The following STPG2 variants were observed in gnomAD, a reference collection of about 807,000 sequenced individuals.
The protein encoded by STPG2 is sperm tail PG-rich repeat containing 2.
A neutral mutation model predicts 54.2 loss-of-function variants in STPG2; 56 were observed. That is an observed-to-expected ratio of 1.03 (90% CI 0.83 to 1.29). The LOEUF (loss-of-function observed/expected upper bound fraction) is 1.29. Among genes scored for constraint, STPG2 ranks in the 50% most tolerant of loss-of-function variants. The probability of loss-of-function intolerance (pLI) is 0.00; values close to 1 mark genes in which losing one functional copy is unlikely to be tolerated. For synonymous variants in STPG2, 200 were observed against 181.8 expected (o/e 1.10, Z -0.81); for missense variants, 596 against 544.9 (o/e 1.09, Z -0.93).
At chr4:97,584,612 C>T (rs553112531) in intron 10 of STPG2, among the ~76,000 whole-genome samples, 2 of 151,672 alleles carry the variant, frequency 1.3e-5, no homozygotes, top group South Asian at 2.1e-4. Context: ...AAAAGATAAA[C>T]AAAAATGATA....
rs567956420 is a variant in STPG2 at position 97,683,096 on chromosome 4, G to A, written c.1320+29603C>T. 2.6e-3 allele frequency among the ~76,000 whole-genome samples: 396 copies of A among 151,854 alleles called. 1 individual carries two copies. Among genetic ancestry groups the A allele is most frequent in the African/African-American group, 9.1e-3 (378 of 41,496 alleles). ...GGCAAAAAGAAAAAGAGATTCCTGG[G>A]TCAGATACGAATTAACTTTGTTACT... On this transcript the variant is annotated intron_variant, in intron 10 of 10. Coordinates refer to ENST00000295268, the MANE Select transcript of STPG2 (RefSeq NM_174952.3).
At chr4:97,854,728 A>G (rs1349380433) in intron 8 of STPG2, among the ~76,000 whole-genome samples, 2 of 152,094 alleles carry the variant, frequency 1.3e-5, no homozygotes, top group African/African-American at 2.4e-5. Context: ...TACCAATTTT[A>G]TTAGATTTTT....
chr4:97,442,702 C>A (rs978699570), intron 4 of STPG2, among the ~76,000 whole-genome samples: 9 of 152,044 alleles, frequency 5.9e-5, no homozygotes, highest in Admixed American at 1.3e-4. Flanking sequence ...TAAAGCATTT[C>A]TAAGGGCTTA....
intron 9 of STPG2, among the ~76,000 whole-genome samples, chr4:97,743,176 G>A (rs983497633): frequency 1.3e-5 from 2 of 151,746 alleles, no homozygotes; most frequent in African/African-American, 4.8e-5. Flanking sequence ...AGAGTGTCAA[G>A]AGCGAAGATC....
chr4:97,756,813 C>T (rs367589681), intron 9 of STPG2, among the ~76,000 whole-genome samples: 5 of 151,568 alleles, frequency 3.3e-5, no homozygotes, highest in Non-Finnish European at 7.4e-5. Flanking sequence ...CCACTGATTT[C>T]GGTGGTAAAA....
intron 5 of STPG2, among the ~76,000 whole-genome samples, chr4:98,102,156 A>G (rs1479420070): frequency 1.3e-5 from 2 of 152,142 alleles, no homozygotes; most frequent in East Asian, 3.9e-4. Flanking sequence ...CAATTACTGA[A>G]TACCTACCTC....
rs558685461 is a variant in STPG2 at position 97,646,569 on chromosome 4, T to G, written c.1320+66130A>C. Among the ~76,000 whole-genome samples the G allele has an allele frequency of 4.1e-3, 630 of 152,248 alleles. 3 individuals carry two copies. Among genetic ancestry groups the G allele is most frequent in the South Asian group, 0.02 (98 of 4,832 alleles). Reference sequence around the variant, plus strand: ...TTCCCATATGCATCAATACATATAATTCATATCAGCATTTTCTAACTCCCC... The same window carrying G: ...TTCCCATATGCATCAATACATATAAGTCATATCAGCATTTTCTAACTCCCC... On this transcript the variant is annotated intron_variant, in intron 10 of 10. Coordinates refer to ENST00000295268, the MANE Select transcript of STPG2 (RefSeq NM_174952.3).
At chr4:97,979,133 A>AT (rs1734586919) in intron 6 of STPG2, among the ~76,000 whole-genome samples, 1 of 152,250 alleles carries the variant, frequency 6.6e-6, no homozygotes, top group Non-Finnish European at 1.5e-5. Context: ...TAAGAAACTC[A>AT]AAGGTTTTAT....
chr4:97,840,636 A>C, intron 9 of STPG2, 137 bp downstream of exon 9: 1 of 908,242 alleles, frequency 1.1e-6, no homozygotes, highest in Non-Finnish European at 1.6e-6. Flanking sequence ...TACAGCACTG[A>C]TGAGAAAAAT....
At chr4:97,571,502 T>C (rs972101678) in intron 10 of STPG2, among the ~76,000 whole-genome samples, 3 of 152,090 alleles carry the variant, frequency 2.0e-5, no homozygotes, top group African/African-American at 7.2e-5. Context: ...CAGCTAAAAG[T>C]TTCATCTACC....
chr4:97,804,692 T>C (rs1027673978), intron 9 of STPG2, among the ~76,000 whole-genome samples: 1 of 152,174 alleles, frequency 6.6e-6, no homozygotes, highest in Non-Finnish European at 1.5e-5. Context: ...CAGCATTCAC[T>C]CAACATGCAC....
chr4:97,484,564 T>C (rs1409093967), intron 4 of STPG2, among the ~76,000 whole-genome samples: 4 of 151,712 alleles, frequency 2.6e-5, no homozygotes, highest in Non-Finnish European at 5.9e-5. Context: ...ATTGAAATGC[T>C]GATTTAAAAA....
Position 97,745,681 on chromosome 4 carries a change from T to A in STPG2, c.1205-32867A>T, listed in dbSNP as rs992313771. Among the ~76,000 whole-genome samples, 10 of 151,264 alleles carry A rather than the reference T, an allele frequency of 6.6e-5. No homozygotes were observed. In the East Asian group the frequency reaches 1.9e-3, roughly 29 times the overall value. On this transcript the variant is annotated intron_variant, in intron 9 of 10. Coordinates refer to ENST00000295268, the MANE Select transcript of STPG2 (RefSeq NM_174952.3). Reference sequence around the variant, plus strand: ...AGAGTTTAGTAAAACCTTGGGTGAATAAAACAGTGCTATGCTGATTTACAT... The same window carrying A: ...AGAGTTTAGTAAAACCTTGGGTGAAAAAAACAGTGCTATGCTGATTTACAT...
intron 3 of STPG2, among the ~76,000 whole-genome samples, chr4:98,111,173 G>A (rs1245457892): frequency 6.6e-6 from 1 of 151,900 alleles, no homozygotes; most frequent in Non-Finnish European, 1.5e-5. Flanking sequence ...AAGAGTCTCA[G>A]CTGAACCCTC....
chr4:97,802,701 C>T (rs1468231002), intron 9 of STPG2, among the ~76,000 whole-genome samples: 1 of 152,024 alleles, frequency 6.6e-6, no homozygotes, highest in African/African-American at 2.4e-5. Context: ...AAACTCCTGA[C>T]CTCAGTTTAT....
Position 97,972,435 on chromosome 4 carries a change from C to A in STPG2, c.778G>T (p.Gly260Ter). ...GTATTGTTCAAGACATTATAAAATC[C>A]AGGACCTAAAATTATTAGAAGTATC... ...DIRTEEMPGP[G>*]FYNVLNNTII... Residue 260 changes from glycine to a stop codon, truncating the protein, a stop_gained, in exon 7 of 11, where the codon GGA (glycine) becomes TGA (stop). Transcript: ENST00000295268. LOFTEE classifies it high-confidence loss of function. The A allele has an allele frequency of 6.6e-7, 1 of 1,506,642 alleles. No individual in the cohort carries two copies. Among genetic ancestry groups the A allele is most frequent in the South Asian group, 1.3e-5 (1 of 74,498 alleles). The allele number at this position is 1,506,642 out of a possible 1,614,324, so 93.3% of individuals were successfully genotyped here. A position where few individuals can be genotyped will look rare whatever the true frequency, so the allele number is the denominator to read the frequency against.
At chr4:97,743,936 T>C (rs1817219) in intron 9 of STPG2, among the ~76,000 whole-genome samples, 18,691 of 151,446 alleles carry the variant, frequency 0.12, 1,759 homozygotes, top group African/African-American at 0.25. Context: ...TAGCAAAGCA[T>C]AAGGCATGTA....
At chr4:97,567,901 C>G (rs1327914779) in intron 10 of STPG2, among the ~76,000 whole-genome samples, 1 of 151,838 alleles carries the variant, frequency 6.6e-6, no homozygotes, top group Non-Finnish European at 1.5e-5. Context: ...AATGATAAAC[C>G]AGAAATCAAG....
intron 7 of STPG2, among the ~76,000 whole-genome samples, chr4:97,969,283 T>A (rs768660149): frequency 3.3e-5 from 5 of 152,216 alleles, no homozygotes; most frequent in African/African-American, 1.2e-4. Context: ...GAATTGCTGA[T>A]GCACACACTA....
Sources: gnomAD v4.1 joint callset for allele counts (sites outside exome capture counted in the v4.1 genomes callset) on GRCh38, gnomAD v4.1.1 for gene constraint, MANE v1.5 for transcripts, NCBI Gene and HGNC (gene_info 2026-07-23, HGNC 2026-07-21) for gene names.